Variants in PARD3B observed in about 807,000 individuals in gnomAD.
PARD3B encodes par-3 family cell polarity regulator beta.
In PARD3B, 103 loss-of-function variants were observed where a neutral mutation model predicts 130.2. The observed-to-expected ratio is 0.79, with a 90% confidence interval of 0.67 to 0.93. PARD3B has a LOEUF of 0.93. Among genes scored for constraint, PARD3B ranks in the 40% least tolerant of loss-of-function variants. The probability of loss-of-function intolerance (pLI) is 0.00; values close to 1 mark genes in which losing one functional copy is unlikely to be tolerated. For synonymous variants in PARD3B, 583 were observed against 553.2 expected (o/e 1.05, Z -0.76); for missense variants, 1,609 against 1,499.2 (o/e 1.07, Z -1.21).
chr2:204,991,128 A>G (rs2125241585), intron 3 of PARD3B, among the ~76,000 whole-genome samples: 1 of 151,644 alleles, frequency 6.6e-6, no homozygotes, highest in Admixed American at 6.6e-5. Flanking sequence ...CACATTGTGC[A>G]GGTTAGTTAC....
In PARD3B at chr2:205,142,920, A is replaced by G. The variant is rs1024647760; in HGVS notation, c.1435-15802A>G. ...AATAAATAAATAAATAAGATAGGCA[A>G]GCTGGCAAATAATTGTAAGAAAGTG... is the stretch of plus-strand genomic sequence containing the variant. On this transcript the variant is annotated intron_variant, in intron 10 of 22. Coordinates refer to ENST00000406610, the MANE Select transcript of PARD3B (RefSeq NM_001302769.2). This position sits in a 1 kb window ranked among gnomAD's most constrained non-coding sequence, Gnocchi z 4.3. Among the ~76,000 whole-genome samples, 2 of 146,946 alleles carry G rather than the reference A, an allele frequency of 1.4e-5. No homozygotes were observed. Among genetic ancestry groups the G allele is most frequent in the Non-Finnish European group, 3.0e-5 (2 of 66,392 alleles).
In PARD3B at chr2:204,791,665, G is replaced by T. The variant is rs115226836; in HGVS notation, c.222+105383G>T. ...TAATAACTATTGATTCCAGTTTTCT[G>T]ATTACTTTTAATTAAATTGTTCTTT... On this transcript the variant is annotated intron_variant, in intron 2 of 22. Transcript: ENST00000406610. Among the ~76,000 whole-genome samples, 1,482 of 152,262 alleles carry T rather than the reference G, an allele frequency of 9.7e-3. 10 individuals are homozygous for T. The highest frequency in any genetic ancestry group is 0.015 in the Non-Finnish European group (1,045 of 68,008).
At chr2:205,387,438 A>G (rs1347937431) in intron 18 of PARD3B, among the ~76,000 whole-genome samples, 1 of 152,048 alleles carries the variant, frequency 6.6e-6, no homozygotes, top group Non-Finnish European at 1.5e-5. Context: ...ACTTTTATAG[A>G]ACTGAGATAA....
At chr2:205,275,864 G>C (rs538445987) in intron 16 of PARD3B, among the ~76,000 whole-genome samples, 3 of 139,246 alleles carry the variant, frequency 2.2e-5, no homozygotes, top group Non-Finnish European at 4.6e-5. Flanking sequence ...AAAAAAAAAG[G>C]TTCAATTAGA....
intron 2 of PARD3B, among the ~76,000 whole-genome samples, chr2:204,724,840 G>A (rs1451426406): frequency 6.6e-6 from 1 of 151,532 alleles, no homozygotes; most frequent in South Asian, 2.1e-4. Context: ...AATAGTGGGG[G>A]GCGGGGGTGG....
intron 1 of PARD3B, among the ~76,000 whole-genome samples, chr2:204,596,072 A>T (rs1480866381): frequency 6.6e-6 from 1 of 152,202 alleles, no homozygotes; most frequent in African/African-American, 2.4e-5. Context: ...GAGTCTTGTG[A>T]TGATTTTTTT....
Position 205,230,687 on chromosome 2 carries a change from C to CACAG in PARD3B, c.2141-15090_2141-15087dup, listed in dbSNP as rs1319960767. Among the ~76,000 whole-genome samples, 1 of 152,140 alleles carries CACAG rather than the reference C, an allele frequency of 6.6e-6. No homozygotes were observed. Among genetic ancestry groups the CACAG allele is most frequent in the Admixed American group, 6.5e-5 (1 of 15,268 alleles). On this transcript the variant is annotated intron_variant, in intron 15 of 22. Transcript: ENST00000406610. This position sits in a 1 kb window ranked among gnomAD's most constrained non-coding sequence, Gnocchi z 4.1. ...CCAAGTCCACTTACTCCAAGCCCAG[C>CACAG]ACAGCATCAAGACTTGCCCAGTAAT...
intron 3 of PARD3B, among the ~76,000 whole-genome samples, chr2:205,006,773 T>C (rs977790168): frequency 1.3e-5 from 2 of 152,212 alleles, no homozygotes; most frequent in African/African-American, 2.4e-5. Context: ...GTCTGTTTAC[T>C]CTGCTGATTG....
At chr2:205,420,241 C>T (rs1240187675) in intron 19 of PARD3B, among the ~76,000 whole-genome samples, 1 of 152,168 alleles carries the variant, frequency 6.6e-6, no homozygotes, top group Admixed American at 6.5e-5. Context: ...GTTCTCTGCT[C>T]TCTCATCTCC....
intron 1 of PARD3B, among the ~76,000 whole-genome samples, chr2:204,652,942 T>C (rs2035530967): frequency 6.6e-6 from 1 of 151,004 alleles, no homozygotes; most frequent in Admixed American, 6.6e-5. Flanking sequence ...CTCACTATCA[T>C]GACAATAGCA....
chr2:204,987,486 T>C (rs1400329821), intron 3 of PARD3B, among the ~76,000 whole-genome samples: 1 of 152,232 alleles, frequency 6.6e-6, no homozygotes, highest in Non-Finnish European at 1.5e-5. Context: ...TACATACTTA[T>C]TTGTGTATGT....
At chr2:204,772,395 C>T (rs1188441110) in intron 2 of PARD3B, among the ~76,000 whole-genome samples, 5 of 151,990 alleles carry the variant, frequency 3.3e-5, no homozygotes, top group Admixed American at 3.3e-4. Flanking sequence ...GGAAAAAAGT[C>T]TAATTCATAG....
rs112018324 is a variant in PARD3B at position 205,200,114 on chromosome 2, A to G, written c.2140+6794A>G. Among the ~76,000 whole-genome samples the G allele has an allele frequency of 7.7e-3, 1,175 of 152,304 alleles. 15 individuals carry two copies. Among genetic ancestry groups the G allele is most frequent in the Middle Eastern group, 0.014 (4 of 294 alleles). On this transcript the variant is annotated intron_variant, in intron 15 of 22. Transcript: ENST00000406610. ...TATAGGTTATGTTGATGTTTATAAA[A>G]GTATTTCCATTTGTTTTCTTATTGA... is the stretch of plus-strand genomic sequence containing the variant.
At chr2:204,631,032 G>C (rs1336769902) in intron 1 of PARD3B, among the ~76,000 whole-genome samples, 3 of 151,986 alleles carry the variant, frequency 2.0e-5, no homozygotes, top group Non-Finnish European at 4.4e-5. Context: ...GGTTCTTTTA[G>C]TTGTGATGTT....
At chr2:205,320,664 G>A (rs762840564) in intron 18 of PARD3B, among the ~76,000 whole-genome samples, 4 of 152,188 alleles carry the variant, frequency 2.6e-5, no homozygotes, top group Non-Finnish European at 4.4e-5. Context: ...CAGTCACGCT[G>A]AAGTATATTT....
rs191914634 is a variant in PARD3B, at chr2:205,455,068, A to G, written c.3044+14396A>G. On this transcript the variant is annotated intron_variant, in intron 20 of 22. Coordinates refer to ENST00000406610, the MANE Select transcript of PARD3B (RefSeq NM_001302769.2). Reference sequence around the variant, plus strand: ...AGGAAGACAATAAAGGAAAATCTGTATAGAAGAGACAGCTTAGCAGTTAAG... The same window carrying G: ...AGGAAGACAATAAAGGAAAATCTGTGTAGAAGAGACAGCTTAGCAGTTAAG... Among the ~76,000 whole-genome samples, 273 of 152,258 alleles carry G rather than the reference A, an allele frequency of 1.8e-3. 1 individual carries two copies. Among genetic ancestry groups the G allele is most frequent in the African/African-American group, 6.3e-3 (262 of 41,580 alleles).
chr2:204,627,309 C>A (rs1303430056), intron 1 of PARD3B, among the ~76,000 whole-genome samples: 1 of 152,124 alleles, frequency 6.6e-6, no homozygotes, highest in Non-Finnish European at 1.5e-5. Context: ...TATTTTGATT[C>A]ATTCTAAAGT....
At chr2:205,349,820 T>A (rs865957767) in intron 18 of PARD3B, among the ~76,000 whole-genome samples, 172 of 139,578 alleles carry the variant, frequency 1.2e-3, no homozygotes, top group African/African-American at 4.5e-3. Flanking sequence ...TTTTTTTTTT[T>A]AAAAAAAGAG....
At chr2:204,777,883 G>T (rs2041690606) in intron 2 of PARD3B, among the ~76,000 whole-genome samples, 1 of 152,098 alleles carries the variant, frequency 6.6e-6, no homozygotes, top group Admixed American at 6.6e-5. Flanking sequence ...GATCAAGAGG[G>T]TGGTTTCCCC....
Sources: gnomAD v4.1 joint callset for allele counts (sites outside exome capture counted in the v4.1 genomes callset) on GRCh38, gnomAD v4.1.1 for gene constraint, Gnocchi (gnomAD v3.1) non-coding constraint, MANE v1.5 for transcripts, NCBI Gene and HGNC (gene_info 2026-07-23, HGNC 2026-07-21) for gene names.